The following TPM2 variants were observed in gnomAD, a reference collection of about 807,000 sequenced individuals.
TPM2 encodes the protein tropomyosin 2, also known as tropomyosin beta chain.
TPM2 carries 26 observed loss-of-function variants against 41.0 expected under a neutral mutation model. The ratio of observed to expected loss-of-function variants is 0.63; its 90% CI spans 0.46 to 0.88. The LOEUF (loss-of-function observed/expected upper bound fraction) is 0.88, where lower values mean the gene tolerates loss of function less well. TPM2 is among the 40% of genes least tolerant of loss of function. The probability of loss-of-function intolerance (pLI) is 0.00; values close to 1 mark genes in which losing one functional copy is unlikely to be tolerated. For synonymous variants in TPM2, 143 were observed against 139.3 expected (o/e 1.03, Z -0.19); for missense variants, 187 against 355.2 (o/e 0.53, Z 3.81).
At chr9:35,684,439 G>T in intron 7 of TPM2, 49 bp downstream of exon 7, 2 of 1,613,332 alleles carry the variant, frequency 1.2e-6, no homozygotes, top group Non-Finnish European at 1.7e-6. Context: ...TCTCTGGCAA[G>T]GATTAGGGTG....
Position 35,685,373 on chromosome 9 carries a change from G to T in TPM2, c.493-34C>A. On this transcript the variant is annotated intron_variant, in intron 4 of 8. Transcript: ENST00000645482. The surrounding 1 kb of genome is among the most constrained non-coding windows in gnomAD (Gnocchi z 5.0). ...AGTGAGAAAGAGAGGGTAGATCAGT[G>T]GAGAAGGACTGGGCATGTTGCAGGC... is the stretch of plus-strand genomic sequence containing the variant. 6.2e-7 allele frequency: 1 copy of T among 1,614,196 alleles called. No individual in the cohort carries two copies. Among genetic ancestry groups the T allele is most frequent in the Non-Finnish European group, 8.5e-7 (1 of 1,180,020 alleles).
chr9:35,688,970 C>T (rs572406675), intron 2 of TPM2, among the ~76,000 whole-genome samples, 176 bp downstream of exon 2: 8 of 152,334 alleles, frequency 5.3e-5, no homozygotes, highest in African/African-American at 1.9e-4. Context: ...GATTTATCCA[C>T]TGTCTTGGAT....
chr9:35,682,659 T>C (rs1340288574), downstream of TPM2: 1 of 1,310,312 alleles, frequency 7.6e-7, no homozygotes, highest in South Asian at 1.2e-5. Flanking sequence ...TGTTTGATCC[T>C]GGAACCCCAG....
At chr9:35,683,654 T>A (rs1390957493) in intron 8 of TPM2, among the ~76,000 whole-genome samples, 2 of 152,234 alleles carry the variant, frequency 1.3e-5, no homozygotes, top group East Asian at 3.8e-4. Flanking sequence ...GAAAGGGTTA[T>A]CACAGAATAA....
chr9:35,685,328 C>A lies in TPM2; in HGVS notation c.504G>T (p.Lys168Asn), dbSNP rs1435403605. 2 of 1,614,244 alleles carry A rather than the reference C, an allele frequency of 1.2e-6. No individual in the cohort carries two copies. ...SDRKYEEVARKLVILEGELER... is the reference protein window; with the variant it reads ...SDRKYEEVARNLVILEGELER... ...CCAGCTCTCCTTCCAGGATCACCAGCTTCCTGGCCACCTGTGGGGAGTGAG... is the reference window on the plus strand; with the variant it reads ...CCAGCTCTCCTTCCAGGATCACCAGATTCCTGGCCACCTGTGGGGAGTGAG... The change falls in exon 5 of 9, where the codon AAG becomes AAT. Residue 168 changes from lysine (K) to asparagine (N), a missense_variant. Coordinates refer to ENST00000645482, the MANE Select transcript of TPM2 (RefSeq NM_003289.4). This position sits in a 1 kb window ranked among gnomAD's most constrained non-coding sequence, Gnocchi z 5.0.
intron 1 of TPM2, 159 bp downstream of exon 1, chr9:35,689,545 C>T (rs1174788621): frequency 2.1e-5 from 18 of 870,192 alleles, no homozygotes; most frequent in Non-Finnish European, 2.3e-5. Flanking sequence ...GGGAGAGAAG[C>T]GGCTCTGGCG....
chr9:35,684,114 G>T, intron 8 of TPM2, 132 bp downstream of exon 8: 1 of 845,464 alleles, frequency 1.2e-6, no homozygotes, highest in Non-Finnish European at 2.0e-6. Flanking sequence ...ATGGCCCACA[G>T]AGTTGGGGAG....
chr9:35,682,223 C>G, downstream of TPM2: 3 of 1,560,580 alleles, frequency 1.9e-6, no homozygotes, highest in Non-Finnish European at 2.6e-6. Context: ...CGTGGGGAGG[C>G]AGGGCCAGGG....
chr9:35,689,045 G>A, intron 2 of TPM2, 101 bp downstream of exon 2: 1 of 1,376,510 alleles, frequency 7.3e-7, no homozygotes, highest in Non-Finnish European at 1.0e-6. Context: ...TGGCGCTGGG[G>A]ACATAAGGGG....
At chr9:35,684,966 C>T in intron 5 of TPM2, 159 bp from the exon 6 acceptor site, 2 of 1,612,596 alleles carry the variant, frequency 1.2e-6, no homozygotes, top group South Asian at 2.2e-5. Flanking sequence ...CTTCCTGATC[C>T]CCAGCAGCTG....
At chr9:35,689,071 C>T in intron 2 of TPM2, 75 bp downstream of exon 2, 2 of 1,566,606 alleles carry the variant, frequency 1.3e-6, no homozygotes, top group Non-Finnish European at 1.8e-6. Flanking sequence ...GTGCCCCAAT[C>T]CTCTTATTCC....
rs1437288069 is a variant in TPM2 at position 35,684,217 on chromosome 9, GT to G, written c.772+28del. 8.1e-6 allele frequency: 13 copies of G among 1,606,198 alleles called. No homozygotes were observed. In the East Asian group the frequency reaches 2.9e-4, roughly 36 times the overall value. On this transcript the variant is annotated intron_variant, in intron 8 of 8. Coordinates refer to ENST00000645482, the MANE Select transcript of TPM2 (RefSeq NM_003289.4). ...GGACAGACTGATAATCACGGCAGGT[GT>G]GGACCTACTTATAAAGGCTTCTTTT...
chr9:35,682,561 A>G (rs1465059349), downstream of TPM2: 3 of 1,240,886 alleles, frequency 2.4e-6, no homozygotes, highest in Non-Finnish European at 3.1e-6. Flanking sequence ...GCTGATATCC[A>G]ACATTTTTCC....
downstream of TPM2, chr9:35,682,676 G>T: frequency 7.6e-7 from 1 of 1,311,704 alleles, no homozygotes; most frequent in Non-Finnish European, 1.0e-6. Flanking sequence ...CCAGCTAAGT[G>T]CTCTGAGGTC....
chr9:35,684,667 C>T, intron 6 of TPM2, 65 bp downstream of exon 6: 6 of 1,613,684 alleles, frequency 3.7e-6, no homozygotes, highest in Non-Finnish European at 5.1e-6. Flanking sequence ...CCCCTCCCTG[C>T]CTTGGGCCCC....
At position 35,685,630 on chromosome 9, in the gene TPM2, C is replaced by G; in HGVS notation, c.374+17G>C. On this transcript the variant is annotated intron_variant, in intron 3 of 8. Coordinates refer to ENST00000645482, the MANE Select transcript of TPM2 (RefSeq NM_003289.4). The surrounding 1 kb of genome is among the most constrained non-coding windows in gnomAD (Gnocchi z 5.0). ...CCTTCTCCCTCCCGGACCATCCTCC[C>G]CGAGGCCCCTGACCACCTCTCGCTC... 1 of 1,614,188 alleles carries G rather than the reference C, an allele frequency of 6.2e-7. No individual in the cohort carries two copies. The highest frequency in any genetic ancestry group is 8.5e-7 in the Non-Finnish European group (1 of 1,180,040).
Position 35,686,192 on chromosome 9 carries a change from G to C in TPM2, c.241-412C>G, listed in dbSNP as rs2006296. The stretch of plus-strand genomic sequence containing the variant: ...TTGAACCCAGGAGGCGGAGGTTGCA[G>C]TGAGCTGAGGTCGTGCCACTGCACT... On this transcript the variant is annotated intron_variant, in intron 2 of 8. Coordinates refer to ENST00000645482, the MANE Select transcript of TPM2 (RefSeq NM_003289.4). Among the ~76,000 whole-genome samples the C allele has an allele frequency of 4.3e-3, 653 of 152,294 alleles. 2 individuals are homozygous for C. The highest frequency in any genetic ancestry group is 0.015 in the African/African-American group (633 of 41,558).
At position 35,685,382 on chromosome 9, in the gene TPM2, C is replaced by G. The variant is rs181404400; in HGVS notation, c.493-43G>C. The G allele has an allele frequency of 2.3e-3, 3,747 of 1,614,174 alleles. 9 individuals are homozygous for G. The highest frequency in any genetic ancestry group is 2.8e-3 in the Non-Finnish European group (3,318 of 1,180,012). On this transcript the variant is annotated intron_variant, in intron 4 of 8. Transcript: ENST00000645482. This position sits in a 1 kb window ranked among gnomAD's most constrained non-coding sequence, Gnocchi z 5.0. Reference sequence around the variant, plus strand: ...GAGAGGGTAGATCAGTGGAGAAGGACTGGGCATGTTGCAGGCTGGGCAGCG... The same window carrying G: ...GAGAGGGTAGATCAGTGGAGAAGGAGTGGGCATGTTGCAGGCTGGGCAGCG...
At chr9:35,689,061 G>A (rs983855823) in intron 2 of TPM2, 85 bp downstream of exon 2, 1 of 1,509,414 alleles carries the variant, frequency 6.6e-7, no homozygotes, top group Non-Finnish European at 9.2e-7. Flanking sequence ...AGGGGATAAG[G>A]TGCCCCAATC....
Sources: allele counts gnomAD v4.1 joint callset (sites outside exome capture counted in the v4.1 genomes callset), GRCh38; gene constraint gnomAD v4.1.1; non-coding constraint Gnocchi (gnomAD v3.1); transcripts MANE v1.5; gene names NCBI Gene and HGNC (gene_info 2026-07-23, HGNC 2026-07-21).